RBPJ: variants seen among roughly 807,000 people sequenced by gnomAD.
RBPJ encodes recombination signal binding protein for immunoglobulin kappa J region, also known as recombining binding protein suppressor of hairless.
RBPJ carries 9 observed loss-of-function variants against 67.8 expected under a neutral mutation model. That is an observed-to-expected ratio of 0.13 (90% CI 0.08 to 0.23). The LOEUF (loss-of-function observed/expected upper bound fraction) is 0.23, where lower values mean the gene tolerates loss of function less well. RBPJ is among the 10% of genes least tolerant of loss of function. The probability of loss-of-function intolerance (pLI) is 1.00; values close to 1 mark genes in which losing one functional copy is unlikely to be tolerated. For missense variants in RBPJ, 305 were observed against 595.6 expected, an observed-to-expected ratio of 0.51 and a Z score of 5.08; for synonymous variants, 198 against 203.3, an observed-to-expected ratio of 0.97 and a Z score of 0.22.
At chr4:26,377,290 C>T (rs1251067825) in intron 1 of RBPJ, among the ~76,000 whole-genome samples, 1 of 152,192 alleles carries the variant, frequency 6.6e-6, no homozygotes, top group Non-Finnish European at 1.5e-5. Context: ...GGTCACACCG[C>T]TAGCTTGCAA....
intron 1 of RBPJ, among the ~76,000 whole-genome samples, chr4:26,271,947 T>A (rs963846029): frequency 2.6e-5 from 4 of 152,188 alleles, no homozygotes; most frequent in Admixed American, 6.5e-5. Flanking sequence ...TATAGGCACA[T>A]GGGTGCATAC....
At chr4:26,309,302 C>A (rs1722349386) in intron 1 of RBPJ, among the ~76,000 whole-genome samples, 1 of 152,150 alleles carries the variant, frequency 6.6e-6, no homozygotes, top group Non-Finnish European at 1.5e-5. Context: ...TAGGCCTGAG[C>A]CACCGTGTCC....
intron 1 of RBPJ, among the ~76,000 whole-genome samples, chr4:26,182,171 T>A (rs976156187): frequency 3.9e-5 from 6 of 152,076 alleles, no homozygotes; most frequent in Non-Finnish European, 7.4e-5. Flanking sequence ...TGAAACCCCG[T>A]CTCTACTAAA....
chr4:26,267,600 T>C (rs907073214), intron 1 of RBPJ, among the ~76,000 whole-genome samples: 6 of 151,758 alleles, frequency 4.0e-5, no homozygotes, highest in Middle Eastern at 3.2e-3. Context: ...ATATATGTAA[T>C]TTTTAAATTT....
chr4:26,415,801 G>A (rs539649445), intron 4 of RBPJ, among the ~76,000 whole-genome samples, 161 bp downstream of exon 4: 1 of 152,206 alleles, frequency 6.6e-6, no homozygotes, highest in South Asian at 2.1e-4. Context: ...CATAGCTTTG[G>A]TCTAGTCACT....
intron 1 of RBPJ, among the ~76,000 whole-genome samples, chr4:26,240,329 AC>A (rs1719594780): frequency 6.6e-6 from 1 of 152,276 alleles, no homozygotes; most frequent in African/African-American, 2.4e-5. Context: ...TCCCTGGGAT[AC>A]CCCGTCTGGG....
At chr4:26,334,934 G>A (rs1045264251) in intron 1 of RBPJ, among the ~76,000 whole-genome samples, 1 of 152,010 alleles carries the variant, frequency 6.6e-6, no homozygotes, top group Non-Finnish European at 1.5e-5. Flanking sequence ...TTGACTTTAT[G>A]TCTGTGTCAT....
chr4:26,374,048 A>G (rs887663992), intron 1 of RBPJ, among the ~76,000 whole-genome samples: 5 of 150,464 alleles, frequency 3.3e-5, no homozygotes, highest in African/African-American at 1.2e-4. Flanking sequence ...CCTACTGAGT[A>G]GCTGGGCTTA....
rs111371971 is a variant in RBPJ, at chr4:26,333,870, T to C, written c.20+12822T>C. On this transcript the variant is annotated intron_variant, in intron 1 of 10. Transcript: ENST00000355476. Reference sequence around the variant, plus strand: ...ATGCCTGCCTAATTTTTATTTTTATTGTAGAGACAGGGTCTCCAACACCTG... The same window carrying C: ...ATGCCTGCCTAATTTTTATTTTTATCGTAGAGACAGGGTCTCCAACACCTG... 7.2e-5 allele frequency among the ~76,000 whole-genome samples: 11 copies of C among 152,202 alleles called. 1 individual carries two copies. The highest frequency in any genetic ancestry group is 2.6e-4 in the African/African-American group (11 of 41,516).
Position 26,185,413 on chromosome 4 carries a change from G to A in RBPJ, c.-167+21799G>A, listed in dbSNP as rs144464264. ...CTCAACACCACGGTCAGGGTAATGC[G>A]TTTTCCTCACTGCTGCAAAGGAAAT... is the stretch of plus-strand genomic sequence containing the variant. On this transcript the variant is annotated intron_variant, in intron 1 of 4. Coordinates refer to the RBPJ transcript ENST00000512351. Among the ~76,000 whole-genome samples, 1,149 of 152,208 alleles carry A rather than the reference G, an allele frequency of 7.5e-3. 28 individuals carry two copies. Among genetic ancestry groups the A allele is most frequent in the Admixed American group, 0.045 (685 of 15,282 alleles).
intron 1 of RBPJ, among the ~76,000 whole-genome samples, chr4:26,296,371 A>G (rs1466674823): frequency 2.0e-5 from 3 of 152,148 alleles, no homozygotes; most frequent in Non-Finnish European, 4.4e-5. Flanking sequence ...GTAGCTGCTG[A>G]GCATAAAGCT....
the RBPJ span, among the ~76,000 whole-genome samples, chr4:26,141,966 T>C: frequency 1.3e-5 from 2 of 152,254 alleles, no homozygotes; most frequent in African/African-American, 4.8e-5. Flanking sequence ...TTTATATAGA[T>C]TAGAACATCT....
intron 2 of RBPJ, among the ~76,000 whole-genome samples, chr4:26,390,610 A>C (rs866578927): frequency 3.9e-5 from 6 of 152,248 alleles, no homozygotes; most frequent in African/African-American, 1.4e-4. Context: ...GGAAATTGGA[A>C]TTTGAAAGCA....
intron 1 of RBPJ, among the ~76,000 whole-genome samples, chr4:26,189,609 G>T (rs546171453): frequency 6.6e-6 from 1 of 152,098 alleles, no homozygotes; most frequent in Non-Finnish European, 1.5e-5. Context: ...AGTGAGCCAA[G>T]ATTGCACCAC....
chr4:26,188,332 A>T (rs149213765), intron 1 of RBPJ, among the ~76,000 whole-genome samples: 52 of 152,302 alleles, frequency 3.4e-4, no homozygotes, highest in African/African-American at 1.1e-3. Context: ...AATCTTAAGG[A>T]TCTATCGCTT....
chr4:26,314,910 G>A (rs949494421), upstream of RBPJ, among the ~76,000 whole-genome samples: 1 of 151,880 alleles, frequency 6.6e-6, no homozygotes, highest in Admixed American at 6.6e-5. Context: ...ATTTTGGGAG[G>A]CTGAGGTGGG....
intron 1 of RBPJ, among the ~76,000 whole-genome samples, chr4:26,247,536 G>T (rs555929793): frequency 6.6e-6 from 1 of 151,956 alleles, no homozygotes; most frequent in African/African-American, 2.4e-5. Flanking sequence ...TCGGCCTCCC[G>T]AGTAGCTAGG....
intron 1 of RBPJ, among the ~76,000 whole-genome samples, chr4:26,333,124 C>G (rs1447641794): frequency 1.3e-5 from 2 of 152,060 alleles, no homozygotes; most frequent in Non-Finnish European, 2.9e-5. Context: ...ATACAGTATT[C>G]ATGGGATGCA....
chr4:26,415,313 C>G lies in RBPJ; in HGVS notation c.156-162C>G, dbSNP rs73810231. Among the ~76,000 whole-genome samples, 760 of 152,224 alleles carry G rather than the reference C, an allele frequency of 5.0e-3. 10 individuals carry two copies. Among genetic ancestry groups the G allele is most frequent in the African/African-American group, 0.018 (738 of 41,528 alleles). ...GAAGTCCCGATTTCTGTCCTGTGGG[C>G]ATGATTATTTGCATTACAAAAGGCT... On this transcript the variant is annotated intron_variant, in intron 3 of 10. Transcript: ENST00000355476.
Sources: allele counts gnomAD v4.1 joint callset (sites outside exome capture counted in the v4.1 genomes callset), GRCh38; gene constraint gnomAD v4.1.1; transcripts MANE v1.5; gene names NCBI Gene and HGNC (gene_info 2026-07-23, HGNC 2026-07-21).